The following PAK3 variants were observed in gnomAD, a reference collection of about 807,000 sequenced individuals.
The protein encoded by PAK3 is p21 (RAC1) activated kinase 3, also known as serine/threonine-protein kinase PAK 3.
Under a neutral mutation model 41.0 loss-of-function variants are expected in PAK3, and 4 were observed. The ratio of observed to expected loss-of-function variants is 0.10; its 90% CI spans 0.05 to 0.22. The LOEUF is 0.22. Ranked by LOEUF, PAK3 falls within the 10% of genes least tolerant of loss-of-function variation. PAK3 has a pLI of 1.00. For synonymous variants in PAK3, 146 were observed against 139.6 expected (o/e 1.05, Z -0.32); for missense variants, 205 against 409.9 (o/e 0.50, Z 4.32).
chrX:111,204,923 G>T (rs1421137639), intron 16 of PAK3, among the ~76,000 whole-genome samples: 1 of 33,513 alleles, frequency 3.0e-5, no homozygotes, highest in Non-Finnish European at 5.7e-5. Context: ...ACGCTCAGAT[G>T]GCAAAGTTCA....
intron 4 of PAK3, among the ~76,000 whole-genome samples, chrX:111,113,081 T>A (rs888164015): frequency 1.1e-4 from 12 of 111,722 alleles, no homozygotes; most frequent in Middle Eastern, 4.6e-3. Context: ...TTGGTTGAAA[T>A]ATACTGTTGA....
intron 6 of PAK3, among the ~76,000 whole-genome samples, chrX:111,146,747 A>C (rs1270789189): frequency 1.8e-5 from 2 of 111,529 alleles, no homozygotes; most frequent in Middle Eastern, 8.4e-3. Context: ...TTCATAGGAT[A>C]AAGCCACATA....
chrX:111,088,534 C>G (rs185653999), intron 1 of PAK3, among the ~76,000 whole-genome samples: 2 of 112,155 alleles, frequency 1.8e-5, no homozygotes, highest in African/African-American at 6.5e-5. Flanking sequence ...TTTAGTCACA[C>G]TGTGAGCCTC....
chrX:111,056,979 T>C (rs2092610027), intron 1 of PAK3, among the ~76,000 whole-genome samples: 1 of 112,065 alleles, frequency 8.9e-6, no homozygotes, highest in Admixed American at 9.5e-5. Flanking sequence ...CAATAAAGTG[T>C]GTAAACATGC....
At chrX:111,076,752 C>T (rs2092789072) in intron 1 of PAK3, among the ~76,000 whole-genome samples, 1 of 112,072 alleles carries the variant, frequency 8.9e-6, no homozygotes, top group Non-Finnish European at 1.9e-5. Context: ...TCTTTGTTTA[C>T]AATCAAGAAC....
intron 6 of PAK3, among the ~76,000 whole-genome samples, chrX:111,146,731 C>T (rs897214936): frequency 3.6e-5 from 4 of 110,963 alleles, no homozygotes; most frequent in Non-Finnish European, 5.7e-5. Context: ...ATTGTTTTGC[C>T]GAGACTTCAT....
intron 1 of PAK3, among the ~76,000 whole-genome samples, chrX:111,018,707 C>G (rs1452335111): frequency 9.0e-6 from 1 of 111,368 alleles, no homozygotes; most frequent in Non-Finnish European, 1.9e-5. Context: ...TTATCAAAAC[C>G]CCAGTGACTT....
chrX:111,089,588 G>A (rs1193083869), intron 1 of PAK3, among the ~76,000 whole-genome samples: 3 of 111,197 alleles, frequency 2.7e-5, no homozygotes, highest in Non-Finnish European at 5.7e-5. Context: ...CAATATCATT[G>A]GGTAGGGAAA....
chrX:111,028,287 G>A (rs1020662300), intron 1 of PAK3, among the ~76,000 whole-genome samples: 12 of 108,657 alleles, frequency 1.1e-4, no homozygotes, highest in African/African-American at 3.3e-4. Flanking sequence ...CTAGTCACTG[G>A]GTAGAGTGTA....
intron 1 of PAK3, among the ~76,000 whole-genome samples, chrX:111,007,439 T>C (rs1360989291): frequency 1.8e-5 from 2 of 112,136 alleles, no homozygotes; most frequent in Admixed American, 9.4e-5. Flanking sequence ...TGGGTGGCAG[T>C]GGAGCCAAGC....
chrX:111,187,067 T>C (rs1282884796), intron 11 of PAK3, among the ~76,000 whole-genome samples: 1 of 111,888 alleles, frequency 8.9e-6, no homozygotes, highest in African/African-American at 3.2e-5. Flanking sequence ...TTTTGATGAT[T>C]GAACTGTATT....
chrX:111,000,133 C>T (rs1167497780), intron 1 of PAK3, among the ~76,000 whole-genome samples: 1 of 111,041 alleles, frequency 9.0e-6, no homozygotes, highest in Non-Finnish European at 1.9e-5. Context: ...ATTACCTTCC[C>T]CTTCTTCAAA....
intron 3 of PAK3, among the ~76,000 whole-genome samples, chrX:111,101,159 A>G (rs187134074): frequency 3.6e-5 from 4 of 112,281 alleles, no homozygotes; most frequent in Admixed American, 9.4e-5. Flanking sequence ...TGCAGACTCA[A>G]TACATGCATG....
At chrX:111,105,993 C>A (rs936665060) in intron 4 of PAK3, among the ~76,000 whole-genome samples, 1 of 111,781 alleles carries the variant, frequency 8.9e-6, no homozygotes, top group South Asian at 3.8e-4. Flanking sequence ...ACTTAACACT[C>A]ACATATTCAC....
rs73640315 is a variant in PAK3, at chrX:111,141,709, T to C, written c.176-387T>C. On this transcript the variant is annotated intron_variant, in intron 5 of 17. Coordinates refer to ENST00000372007, the MANE Select transcript of PAK3 (RefSeq NM_002578.5). ...TATCTTTATTGAAAGCTGAAGTGCT[T>C]TTCTATTCTTTCTAATAGTATGCCT... Among the ~76,000 whole-genome samples the C allele has an allele frequency of 1.9e-3, 210 of 112,002 alleles. 1 individual carries two copies. The highest frequency in any genetic ancestry group is 6.4e-3 in the African/African-American group (198 of 30,970).
intron 1 of PAK3, among the ~76,000 whole-genome samples, chrX:111,084,001 C>T (rs1478138918): frequency 8.9e-6 from 1 of 112,734 alleles, no homozygotes; most frequent in Non-Finnish European, 1.9e-5. Flanking sequence ...ACTCTTTCAA[C>T]CATGCTATGG....
chrX:111,045,637 TA>T (rs755371924), intron 1 of PAK3, among the ~76,000 whole-genome samples: 24 of 112,003 alleles, frequency 2.1e-4, no homozygotes, highest in Non-Finnish European at 3.8e-4. Flanking sequence ...TCTATTCTGT[TA>T]AGTAAAGGAT....
intron 8 of PAK3, 82 bp from the exon 9 acceptor site, chrX:111,162,833 T>C (rs1204616380): frequency 5.5e-5 from 50 of 902,959 alleles, no homozygotes; most frequent in Middle Eastern, 2.8e-4. Context: ...CATGCTTAAA[T>C]ATTTCATTTC....
chrX:110,993,337 G>A (rs1391710106), intron 1 of PAK3, among the ~76,000 whole-genome samples: 1 of 111,209 alleles, frequency 9.0e-6, no homozygotes, highest in African/African-American at 3.3e-5. Context: ...AATTTGAATT[G>A]ATGATTTTTT....
Sources: allele counts gnomAD v4.1 joint callset (sites outside exome capture counted in the v4.1 genomes callset), GRCh38; gene constraint gnomAD v4.1.1; transcripts MANE v1.5; gene names NCBI Gene and HGNC (gene_info 2026-07-23, HGNC 2026-07-21).